CFAP44: variants seen among roughly 807,000 people sequenced by gnomAD.
CFAP44 encodes the protein cilia and flagella associated protein 44, also known as cilia- and flagella-associated protein 44.
A neutral mutation model predicts 216.2 loss-of-function variants in CFAP44; 134 were observed. The observed-to-expected ratio is 0.62, with a 90% CI of 0.54 to 0.72. The LOEUF (loss-of-function observed/expected upper bound fraction) is 0.72. CFAP44 is among the 30% of genes least tolerant of loss of function. The pLI is 0.00. For missense variants in CFAP44, 2,035 were observed against 2,182.1 expected, an observed-to-expected ratio of 0.93 and a Z score of 1.34; for synonymous variants, 700 against 727.6, an observed-to-expected ratio of 0.96 and a Z score of 0.61.
In CFAP44 at chr3:113,409,210, T is replaced by C; in HGVS notation, c.786A>G (p.Glu262=). ...YTLTIWNWKE[E]QPILRTKAFS... The stretch of plus-strand genomic sequence containing the variant: ...AAGCTTTTGTCCTTAGTATGGGTTG[T>C]TCTTCTTTCCAGTTCCAGATAGTCA... Residue 262 remains glutamate, a synonymous_variant, in exon 7 of 35, where the codon GAA becomes GAG. Coordinates refer to ENST00000393845, the MANE Select transcript of CFAP44 (RefSeq NM_001164496.2). The C allele has an allele frequency of 8.1e-6, 13 of 1,614,148 alleles. No homozygotes were observed. Among genetic ancestry groups the C allele is most frequent in the Non-Finnish European group, 1.1e-5 (13 of 1,180,018 alleles).
intron 15 of CFAP44, among the ~76,000 whole-genome samples, chr3:113,391,021 C>G (rs1258586552): frequency 2.6e-5 from 4 of 152,078 alleles, no homozygotes; most frequent in Non-Finnish European, 5.9e-5. Flanking sequence ...TCACAAAAGA[C>G]TCAGAATAGA....
At chr3:113,317,670 G>C (rs1264936862) in intron 28 of CFAP44, among the ~76,000 whole-genome samples, 3 of 152,224 alleles carry the variant, frequency 2.0e-5, no homozygotes, top group Non-Finnish European at 4.4e-5. Context: ...ATGGAGCCAA[G>C]ATCTATGGCC....
At chr3:113,345,781 GAATTT>G (rs944064338) in intron 22 of CFAP44, among the ~76,000 whole-genome samples, 21 of 152,168 alleles carry the variant, frequency 1.4e-4, no homozygotes, top group East Asian at 7.7e-4. Flanking sequence ...GCACTTCTTA[GAATTT>G]AATTTATTTT....
chr3:113,298,300 C>T (rs913344465), intron 32 of CFAP44, among the ~76,000 whole-genome samples: 78 of 152,346 alleles, frequency 5.1e-4, no homozygotes, highest in African/African-American at 1.7e-3. Context: ...TCACTACCCA[C>T]CTTCCCCATG....
intron 5 of CFAP44, among the ~76,000 whole-genome samples, chr3:113,419,450 T>C (rs1934746377): frequency 6.6e-6 from 1 of 152,216 alleles, no homozygotes; most frequent in African/African-American, 2.4e-5. Flanking sequence ...ATTGCTGAAC[T>C]TATTAATTAG....
chr3:113,400,805 T>G, intron 11 of CFAP44, 161 bp from the exon 12 acceptor site: 1 of 662,768 alleles, frequency 1.5e-6, no homozygotes, highest in Non-Finnish European at 2.5e-6. Context: ...GGTTCAGAAT[T>G]AGGAGAACCA....
chr3:113,365,140 T>C (rs1018347813), intron 19 of CFAP44, among the ~76,000 whole-genome samples: 4 of 152,172 alleles, frequency 2.6e-5, no homozygotes, highest in African/African-American at 7.2e-5. Context: ...TGGGTTTCTA[T>C]AGAGAGGGTT....
rs185988424 is a variant in CFAP44 at position 113,372,694 on chromosome 3, G to A, written c.2444+717C>T. Among the ~76,000 whole-genome samples the A allele has an allele frequency of 1.4e-4, 22 of 152,192 alleles. No homozygotes were observed. In the East Asian group the frequency reaches 1.9e-3, roughly 13 times the overall value. The stretch of plus-strand genomic sequence containing the variant: ...GTATACCTACGTAACAAATGTGCAC[G>A]TTGTGCACATGTACCCTAGAACTTA... On this transcript the variant is annotated intron_variant, in intron 18 of 34. Coordinates refer to ENST00000393845, the MANE Select transcript of CFAP44 (RefSeq NM_001164496.2).
chr3:113,328,695 T>TAAAAAAAAAAAAAAAAAAAAAAAAAAAAA (rs1950210721), intron 26 of CFAP44, among the ~76,000 whole-genome samples: 1 of 72,346 alleles, frequency 1.4e-5, no homozygotes, highest in African/African-American at 4.7e-5. Flanking sequence ...TTTAGAGAGC[T>TAAAAAAAAAAAAAAAAAAAAAAAAAAAAA]TAAAAAAAAA....
intron 1 of CFAP44, among the ~76,000 whole-genome samples, chr3:113,437,715 T>TTCAGAGAACAGGAGCAGA (rs1224946062): frequency 6.6e-6 from 1 of 152,214 alleles, no homozygotes; most frequent in African/African-American, 2.4e-5. Flanking sequence ...GCAGGTCAGG[T>TTCAGAGAACAGGAGCAGA]GGGAGAGACT....
intron 17 of CFAP44, 96 bp downstream of exon 17, chr3:113,379,210 G>A: frequency 2.1e-6 from 2 of 944,728 alleles, no homozygotes; most frequent in Non-Finnish European, 2.9e-6. Context: ...ATAGATAAAT[G>A]AAATCTTAAC....
At chr3:113,396,987 A>T (rs1313194374) in intron 13 of CFAP44, among the ~76,000 whole-genome samples, 2 of 152,248 alleles carry the variant, frequency 1.3e-5, no homozygotes, top group Non-Finnish European at 2.9e-5. Flanking sequence ...AGCACCTATC[A>T]TCAGCAACTC....
rs1027283095 is a variant in CFAP44 at position 113,387,849 on chromosome 3, C to T, written c.1891-6789G>A. On this transcript the variant is annotated intron_variant, in intron 15 of 34. Coordinates refer to ENST00000393845, the MANE Select transcript of CFAP44 (RefSeq NM_001164496.2). Reference sequence around the variant, plus strand: ...GGAAAGACTCAGGACTGCCAGCATTCGCCACAAGCTGACTGAAGAGCCCTT... The same window carrying T: ...GGAAAGACTCAGGACTGCCAGCATTTGCCACAAGCTGACTGAAGAGCCCTT... 1.2e-4 allele frequency among the ~76,000 whole-genome samples: 18 copies of T among 152,050 alleles called. No homozygotes were observed. In the East Asian group the frequency reaches 2.5e-3, roughly 21 times the overall value.
At chr3:113,305,247 T>A in intron 30 of CFAP44, 95 bp from the exon 31 acceptor site, 1 of 1,063,868 alleles carries the variant, frequency 9.4e-7, no homozygotes, top group Non-Finnish European at 1.4e-6. Context: ...AAGTAAAGCA[T>A]GAGCAGAATC....
chr3:113,300,402 G>C (rs901891768), intron 32 of CFAP44, among the ~76,000 whole-genome samples: 27 of 151,814 alleles, frequency 1.8e-4, no homozygotes, highest in Non-Finnish European at 3.2e-4. Flanking sequence ...TGCTTGAGGT[G>C]AGGATATCCC....
intron 15 of CFAP44, among the ~76,000 whole-genome samples, chr3:113,382,020 A>G (rs1933526972): frequency 6.6e-6 from 1 of 152,186 alleles, no homozygotes; most frequent in Non-Finnish European, 1.5e-5. Context: ...ATAATGAGTT[A>G]AGGGAGGGTT....
intron 2 of CFAP44, among the ~76,000 whole-genome samples, chr3:113,431,164 G>T (rs1935096787): frequency 1.3e-5 from 2 of 152,154 alleles, no homozygotes; most frequent in South Asian, 4.1e-4. Flanking sequence ...ATGCAGCTAT[G>T]ATCAGGTATG....
chr3:113,384,208 G>A (rs530882902), intron 15 of CFAP44, among the ~76,000 whole-genome samples: 13 of 152,026 alleles, frequency 8.6e-5, no homozygotes, highest in South Asian at 2.1e-4. Flanking sequence ...GCAGGTGCCC[G>A]CCACCACGCC....
intron 21 of CFAP44, among the ~76,000 whole-genome samples, chr3:113,361,856 A>AT (rs79419654): frequency 6.9e-4 from 104 of 150,922 alleles, no homozygotes; most frequent in African/African-American, 2.1e-3. Context: ...TCTGACCACA[A>AT]TTTTTTTTTA....
Sources: gnomAD v4.1 joint callset for allele counts (sites outside exome capture counted in the v4.1 genomes callset) on GRCh38, gnomAD v4.1.1 for gene constraint, MANE v1.5 for transcripts, NCBI Gene and HGNC (gene_info 2026-07-23, HGNC 2026-07-21) for gene names.